Variants in ARL5B observed in about 807,000 individuals in gnomAD.
ARL5B encodes the protein ARF like GTPase 5B, also known as ADP-ribosylation factor-like protein 5B.
Under a neutral mutation model 26.9 loss-of-function variants are expected in ARL5B, and 10 were observed. The observed-to-expected ratio is 0.37, with a 90% confidence interval of 0.23 to 0.63. The LOEUF is 0.63. ARL5B is among the 30% of genes least tolerant of loss of function. ARL5B has a pLI of 0.62. For missense variants in ARL5B, 167 were observed against 213.9 expected, an observed-to-expected ratio of 0.78 and a Z score of 1.37; for synonymous variants, 87 against 70.4, an observed-to-expected ratio of 1.24 and a Z score of -1.18.
At chr10:18,665,451 G>T (rs1199070443) in intron 1 of ARL5B, among the ~76,000 whole-genome samples, 1 of 152,160 alleles carries the variant, frequency 6.6e-6, no homozygotes, top group Non-Finnish European at 1.5e-5. Flanking sequence ...TGTTTATCCT[G>T]CACTGTAATA....
chr10:18,662,166 G>A (rs2059839804), intron 1 of ARL5B, among the ~76,000 whole-genome samples: 1 of 152,234 alleles, frequency 6.6e-6, no homozygotes, highest in South Asian at 2.1e-4. Flanking sequence ...GGCCCAAAGC[G>A]CCACCTCACA....
At position 18,668,564 on chromosome 10, in the gene ARL5B, A is replaced by C; in HGVS notation, c.142A>C (p.Ile48Leu). Residue 48 changes from isoleucine to leucine, a missense_variant, in exon 3 of 6, where the codon ATA (isoleucine) becomes CTA (leucine). Transcript: ENST00000377275. ...TGAAGTGGTTCATACTTCTCCAACC[A>C]TAGGAAGCAATGTTGAAGAAATAGT... ...MNEVVHTSPT[I>L]GSNVEEIVVK... The C allele has an allele frequency of 6.2e-7, 1 of 1,614,106 alleles. No homozygotes were observed.
chr10:18,670,850 T>C (rs952063270), intron 3 of ARL5B, among the ~76,000 whole-genome samples: 15 of 152,178 alleles, frequency 9.9e-5, no homozygotes, highest in Non-Finnish European at 1.6e-4. Context: ...GAAAGAGATA[T>C]CCATTACTGA....
rs2059931121 is a variant in ARL5B at position 18,681,316 on chromosome 10, A to G, written c.*6100A>G. The G allele has an allele frequency of 6.6e-6, 1 of 152,254 alleles. No individual in the cohort carries two copies. Among genetic ancestry groups the G allele is most frequent in the South Asian group, 2.1e-4 (1 of 4,836 alleles). The allele number at this position is 152,254 out of a possible 1,614,324, so 9.4% of individuals were successfully genotyped here. On this transcript the variant is annotated 3_prime_UTR_variant, in exon 6 of 6. Coordinates refer to ENST00000377275, the MANE Select transcript of ARL5B (RefSeq NM_178815.5). ...GCATTCACATGATCACTTCTTGAAAATGGTTCAAAGCATGTTTTCCTGATG... is the reference window on the plus strand; with the variant it reads ...GCATTCACATGATCACTTCTTGAAAGTGGTTCAAAGCATGTTTTCCTGATG...
At chr10:18,659,919 G>C (rs1410253062) in intron 1 of ARL5B, 3 of 985,286 alleles carry the variant, frequency 3.0e-6, no homozygotes, top group African/African-American at 1.7e-5. Context: ...AATCCAAACT[G>C]AGAATGTTTG....
At chr10:18,667,049 C>G (rs1324614650) in intron 2 of ARL5B, among the ~76,000 whole-genome samples, 1 of 152,110 alleles carries the variant, frequency 6.6e-6, no homozygotes, top group Non-Finnish European at 1.5e-5. Context: ...AATGTGATCA[C>G]TCCTGAAAAT....
rs570825633 is a variant in ARL5B at position 18,681,306 on chromosome 10, C to G, written c.*6090C>G. On this transcript the variant is annotated 3_prime_UTR_variant, in exon 6 of 6. Transcript: ENST00000377275. ...GTAAATTAATGCATTCACATGATCACTTCTTGAAAATGGTTCAAAGCATGT... is the reference window on the plus strand; with the variant it reads ...GTAAATTAATGCATTCACATGATCAGTTCTTGAAAATGGTTCAAAGCATGT... 1.3e-5 allele frequency: 2 copies of G among 152,278 alleles called. No individual in the cohort carries two copies. Among genetic ancestry groups the G allele is most frequent in the South Asian group, 2.1e-4 (1 of 4,828 alleles). 9.4% of individuals were successfully genotyped at this position (152,278 alleles called of 1,614,324 possible). A position where few individuals can be genotyped will look rare whatever the true frequency, so the allele number is the denominator to read the frequency against.
At position 18,672,009 on chromosome 10, in the gene ARL5B, A is replaced by G. The variant is rs373415554; in HGVS notation, c.256-613A>G. Among the ~76,000 whole-genome samples, 11 of 152,244 alleles carry G rather than the reference A, an allele frequency of 7.2e-5. No individual in the cohort carries two copies. The East Asian group carries it at 1.2e-3, about 16-fold the overall frequency. ...CCTTTTTTCATGTATAGCTTTACCA[A>G]CAGATTTCTCCTCTTTTTTCTGGTG... On this transcript the variant is annotated intron_variant, in intron 3 of 5. Coordinates refer to ENST00000377275, the MANE Select transcript of ARL5B (RefSeq NM_178815.5).
intron 5 of ARL5B, among the ~76,000 whole-genome samples, chr10:18,674,622 A>G (rs11812501): frequency 0.21 from 32,606 of 152,092 alleles, 3,837 homozygotes; most frequent in South Asian, 0.31. Context: ...TTCCATCTCT[A>G]ACAATTTGAA....
Position 18,677,668 on chromosome 10 carries a change from C to A in ARL5B, c.*2452C>A, listed in dbSNP as rs1195423313. 1.3e-5 allele frequency: 2 copies of A among 152,332 alleles called. No individual in the cohort carries two copies. The highest frequency in any genetic ancestry group is 4.8e-5 in the African/African-American group (2 of 41,430). 9.4% of individuals were successfully genotyped at this position (152,332 alleles called of 1,614,324 possible). ...CTGACATTCATTGTAAATCAGTGAA[C>A]TGTAAGATACTGTCTAAAAAATGTA... On this transcript the variant is annotated 3_prime_UTR_variant, in exon 6 of 6. Transcript: ENST00000377275.
intron 1 of ARL5B, among the ~76,000 whole-genome samples, chr10:18,663,699 C>T (rs1016344927): frequency 6.6e-6 from 1 of 151,650 alleles, no homozygotes; most frequent in African/African-American, 2.4e-5. Flanking sequence ...CAGGTGTCTG[C>T]CACCACGCCC....
At position 18,679,795 on chromosome 10, in the gene ARL5B, A is replaced by G. The variant is rs942604600; in HGVS notation, c.*4579A>G. 3.3e-5 allele frequency: 5 copies of G among 151,978 alleles called. No homozygotes were observed. The highest frequency in any genetic ancestry group is 1.2e-4 in the African/African-American group (5 of 41,424). The allele number at this position is 151,978 out of a possible 1,614,324, so 9.4% of individuals were successfully genotyped here. On this transcript the variant is annotated 3_prime_UTR_variant, in exon 6 of 6. Coordinates refer to ENST00000377275, the MANE Select transcript of ARL5B (RefSeq NM_178815.5). ...GTAAAGACAATATCATGAGGTCGAA[A>G]AAACTTCAAAAGGATATTAGGTAAG...
chr10:18,674,343 T>C (rs780023349), intron 5 of ARL5B, among the ~76,000 whole-genome samples: 2 of 152,214 alleles, frequency 1.3e-5, no homozygotes, highest in Non-Finnish European at 2.9e-5. Context: ...GTAAATATAA[T>C]GTTTTACCAA....
At chr10:18,663,927 C>T (rs1319581951) in intron 1 of ARL5B, among the ~76,000 whole-genome samples, 1 of 151,562 alleles carries the variant, frequency 6.6e-6, no homozygotes, top group East Asian at 1.9e-4. Flanking sequence ...TATCTGCATC[C>T]TGTCTTCCAG....
intron 3 of ARL5B, among the ~76,000 whole-genome samples, chr10:18,670,922 A>G (rs2059884211): frequency 6.6e-6 from 1 of 152,238 alleles, no homozygotes; most frequent in Admixed American, 6.5e-5. Flanking sequence ...AAATTACTAC[A>G]AAGAACAGTG....
At chr10:18,668,768 G>T (rs1590226700) in intron 3 of ARL5B, 91 bp downstream of exon 3, 7 of 1,188,018 alleles carry the variant, frequency 5.9e-6, no homozygotes, top group Admixed American at 3.3e-5. Flanking sequence ...ATTGACAGTT[G>T]CCTTTTTTTT....
At chr10:18,659,765 A>C (rs937686987) in intron 1 of ARL5B, 82 bp downstream of exon 1, 28 of 1,575,594 alleles carry the variant, frequency 1.8e-5, no homozygotes, top group Non-Finnish European at 2.4e-5. Flanking sequence ...GACAGGGGAC[A>C]GAGCGTTCGG....
At chr10:18,673,906 A>G in intron 4 of ARL5B, 78 bp from the exon 5 acceptor site, 2 of 1,314,198 alleles carry the variant, frequency 1.5e-6, no homozygotes, top group South Asian at 2.0e-5. Flanking sequence ...AAGTAGAAGC[A>G]CTTCATTATA....
intron 1 of ARL5B, among the ~76,000 whole-genome samples, chr10:18,663,268 C>T (rs938643797): frequency 2.6e-5 from 4 of 152,138 alleles, no homozygotes; most frequent in African/African-American, 9.7e-5. Flanking sequence ...TCCCAAAGTG[C>T]TGGGATTACA....
Sources: allele counts gnomAD v4.1 joint callset (sites outside exome capture counted in the v4.1 genomes callset), GRCh38; gene constraint gnomAD v4.1.1; transcripts MANE v1.5; gene names NCBI Gene and HGNC (gene_info 2026-07-23, HGNC 2026-07-21).